GOLM2: variants seen among roughly 807,000 people sequenced by gnomAD.
The protein encoded by GOLM2 is golgi membrane protein 2, also known as protein GOLM2.
A neutral mutation model predicts 55.9 loss-of-function variants in GOLM2; 26 were observed. The ratio of observed to expected loss-of-function variants is 0.47; its 90% CI spans 0.34 to 0.65. The LOEUF (loss-of-function observed/expected upper bound fraction) is 0.65, where lower values mean the gene tolerates loss of function less well. Among genes scored for constraint, GOLM2 ranks in the 30% least tolerant of loss-of-function variants. GOLM2 has a pLI of 0.01. For missense variants in GOLM2, 486 were observed against 531.8 expected, an observed-to-expected ratio of 0.91 and a Z score of 0.85; for synonymous variants, 165 against 194.6, an observed-to-expected ratio of 0.85 and a Z score of 1.27.
chr15:44,351,008 C>T (rs1038186922), intron 6 of GOLM2, among the ~76,000 whole-genome samples: 2 of 152,026 alleles, frequency 1.3e-5, no homozygotes, highest in African/African-American at 4.8e-5. Flanking sequence ...TGTGGCAGAC[C>T]CACAGCTAGT....
chr15:44,367,045 T>C (rs924820192), intron 6 of GOLM2, among the ~76,000 whole-genome samples: 3 of 152,124 alleles, frequency 2.0e-5, no homozygotes, highest in African/African-American at 7.2e-5. Flanking sequence ...TTAGATATCT[T>C]ATAAAACAGA....
chr15:44,317,394 A>G (rs1434328692), intron 1 of GOLM2, among the ~76,000 whole-genome samples: 2 of 152,176 alleles, frequency 1.3e-5, no homozygotes, highest in African/African-American at 4.8e-5. Flanking sequence ...GTGTTTTTTT[A>G]AATAAAAAAC....
intron 6 of GOLM2, among the ~76,000 whole-genome samples, chr15:44,368,403 C>T (rs542962286): frequency 6.6e-6 from 1 of 150,958 alleles, no homozygotes; most frequent in African/African-American, 2.4e-5. Flanking sequence ...CCACCATGCT[C>T]GGCCGAGTTA....
chr15:44,310,525 CAT>C (rs1567022245), intron 1 of GOLM2, among the ~76,000 whole-genome samples: 1 of 149,204 alleles, frequency 6.7e-6, no homozygotes, highest in East Asian at 2.0e-4. Flanking sequence ...CACACACACA[CAT>C]ACATATTCAG....
intron 2 of GOLM2, among the ~76,000 whole-genome samples, chr15:44,326,663 T>G: frequency 6.7e-6 from 1 of 150,150 alleles, no homozygotes; most frequent in Non-Finnish European, 1.5e-5. Context: ...AGTTTTTTTT[T>G]TTTTTTGAGA....
intron 8 of GOLM2, among the ~76,000 whole-genome samples, chr15:44,390,952 T>C (rs7162671): frequency 0.096 from 14,567 of 152,172 alleles, 1,475 homozygotes; most frequent in African/African-American, 0.24. Flanking sequence ...TCTCTTAATA[T>C]CACCACAGTA....
rs772428884 is a variant in GOLM2, at chr15:44,413,375, A to T, written c.1280A>T (p.Tyr427Phe). 5.0e-6 allele frequency: 8 copies of T among 1,611,214 alleles called. No individual in the cohort carries two copies. The highest frequency in any genetic ancestry group is 6.8e-6 in the Non-Finnish European group (8 of 1,179,304). Residue 427 changes from tyrosine to phenylalanine, a missense_variant, in exon 10 of 10, where the codon TAT becomes TTT. Physicochemically the swap from Tyr to Phe is conservative, Grantham distance 22. Transcript: ENST00000299957. Reference sequence around the variant, plus strand: ...GAGCTTCAAATGGATCCTGCAGACTATGGAAAGCAACATTTCAATGATGTC... The same window carrying T: ...GAGCTTCAAATGGATCCTGCAGACTTTGGAAAGCAACATTTCAATGATGTC... ...ERELQMDPAD[Y>F]GKQHFNDVL
intron 6 of GOLM2, among the ~76,000 whole-genome samples, chr15:44,376,931 T>G (rs935949981): frequency 6.6e-6 from 1 of 152,060 alleles, no homozygotes; most frequent in Non-Finnish European, 1.5e-5. Flanking sequence ...CTAAAAGGAA[T>G]TTTTCAAGAA....
intron 1 of GOLM2, among the ~76,000 whole-genome samples, chr15:44,291,925 C>T (rs1177831841): frequency 2.0e-5 from 3 of 152,126 alleles, no homozygotes; most frequent in Non-Finnish European, 4.4e-5. Flanking sequence ...AATATAAAAG[C>T]TCTGAGAAAT....
At chr15:44,375,443 A>G (rs564822709) in intron 6 of GOLM2, among the ~76,000 whole-genome samples, 1 of 152,208 alleles carries the variant, frequency 6.6e-6, no homozygotes, top group African/African-American at 2.4e-5. Flanking sequence ...AATTTGTTTG[A>G]GAAGTATTCT....
intron 1 of GOLM2, among the ~76,000 whole-genome samples, chr15:44,321,927 T>A (rs982037420): frequency 1.3e-5 from 2 of 151,944 alleles, no homozygotes; most frequent in Admixed American, 1.3e-4. Flanking sequence ...GGTATTATGA[T>A]ACATACCTGT....
intron 6 of GOLM2, among the ~76,000 whole-genome samples, chr15:44,369,365 C>G (rs1358480191): frequency 6.6e-6 from 1 of 150,982 alleles, no homozygotes; most frequent in East Asian, 1.9e-4. Flanking sequence ...GAGCCTCCCA[C>G]CACTCTCTAT....
intron 6 of GOLM2, among the ~76,000 whole-genome samples, chr15:44,339,167 C>T (rs560974031): frequency 1.3e-5 from 2 of 152,174 alleles, no homozygotes; most frequent in East Asian, 3.9e-4. Context: ...TTTGTCCTTT[C>T]ATTTATATAG....
At chr15:44,360,689 TG>T (rs1468389624) in intron 6 of GOLM2, among the ~76,000 whole-genome samples, 2 of 152,120 alleles carry the variant, frequency 1.3e-5, no homozygotes, top group Non-Finnish European at 2.9e-5. Context: ...AACTCAGCTC[TG>T]CACCAAGTGG....
At position 44,302,146 on chromosome 15, in the gene GOLM2, ATTTTTTT is replaced by A. The variant is rs374509457; in HGVS notation, c.327+12800_327+12806del. Reference sequence around the variant, plus strand: ...TGATTGACTCTCTTTTTTACATTTAATTTTTTTTTTTTTTTTGAGATGGAGTCTTACT... The same window carrying A: ...TGATTGACTCTCTTTTTTACATTTAATTTTTTTTTGAGATGGAGTCTTACT... On this transcript the variant is annotated intron_variant, in intron 1 of 9. Coordinates refer to ENST00000299957, the MANE Select transcript of GOLM2 (RefSeq NM_138423.4). Among the ~76,000 whole-genome samples the A allele has an allele frequency of 2.8e-5, 4 of 141,160 alleles. No individual in the cohort carries two copies. In the East Asian group the frequency reaches 8.3e-4, roughly 29 times the overall value. The allele number at this position is 141,160 out of a possible 152,430, so 92.6% of individuals were successfully genotyped here. A position where few individuals can be genotyped will look rare whatever the true frequency, so the allele number is the denominator to read the frequency against.
At chr15:44,389,561 A>C (rs2079473651) in intron 8 of GOLM2, among the ~76,000 whole-genome samples, 1 of 152,252 alleles carries the variant, frequency 6.6e-6, no homozygotes, top group Non-Finnish European at 1.5e-5. Context: ...AAATAAAAGC[A>C]CTTGATACTC....
At chr15:44,310,909 C>T (rs761949247) in intron 1 of GOLM2, among the ~76,000 whole-genome samples, 24 of 151,850 alleles carry the variant, frequency 1.6e-4, no homozygotes, top group Admixed American at 1.1e-3. Context: ...CCCACTTATT[C>T]GGGAGGCTGA....
intron 2 of GOLM2, among the ~76,000 whole-genome samples, chr15:44,326,402 G>A (rs138326835): frequency 6.6e-6 from 1 of 151,762 alleles, no homozygotes; most frequent in African/African-American, 2.4e-5. Flanking sequence ...ATATTGTTAA[G>A]CATTATGTGT....
At chr15:44,391,487 A>G (rs2141203540) in intron 8 of GOLM2, among the ~76,000 whole-genome samples, 1 of 151,856 alleles carries the variant, frequency 6.6e-6, no homozygotes, top group South Asian at 2.1e-4. Context: ...ACTGTACTCC[A>G]GCCTGGGCGA....
Sources: gnomAD v4.1 joint callset for allele counts (sites outside exome capture counted in the v4.1 genomes callset) on GRCh38, gnomAD v4.1.1 for gene constraint, MANE v1.5 for transcripts, NCBI Gene and HGNC (gene_info 2026-07-23, HGNC 2026-07-21) for gene names.